The following DPP10 variants were observed in gnomAD, a reference collection of about 807,000 sequenced individuals.
DPP10 encodes inactive dipeptidyl peptidase 10.
DPP10 carries 33 observed loss-of-function variants against 120.9 expected under a neutral mutation model. That is an observed-to-expected ratio of 0.27 (90% confidence interval 0.21 to 0.37). The LOEUF is 0.37. DPP10 is among the 10% of genes least tolerant of loss of function. The probability of loss-of-function intolerance (pLI) is 1.00; values close to 1 mark genes in which losing one functional copy is unlikely to be tolerated. For synonymous variants in DPP10, 337 were observed against 326.1 expected (o/e 1.03, Z -0.36); for missense variants, 816 against 942.8 (o/e 0.87, Z 1.76).
intron 1 of DPP10, among the ~76,000 whole-genome samples, chr2:114,744,766 A>C (rs117290671): frequency 6.6e-6 from 1 of 151,284 alleles, no homozygotes; most frequent in East Asian, 2.0e-4. Flanking sequence ...CACAATGCCT[A>C]ATTTGTTTTT....
chr2:114,746,075 C>T (rs559930371), intron 1 of DPP10, among the ~76,000 whole-genome samples: 23 of 152,310 alleles, frequency 1.5e-4, no homozygotes, highest in Admixed American at 3.9e-4. Flanking sequence ...ACTGCACTTT[C>T]ATTTTGTCTC....
At chr2:114,848,002 T>A (rs190940451) in intron 1 of DPP10, among the ~76,000 whole-genome samples, 30 of 152,282 alleles carry the variant, frequency 2.0e-4, no homozygotes, top group African/African-American at 7.2e-4. Context: ...TTAAGTTCAC[T>A]TACACTGCCA....
intron 1 of DPP10, among the ~76,000 whole-genome samples, chr2:114,866,216 A>G (rs1044579511): frequency 6.6e-6 from 1 of 152,056 alleles, no homozygotes; most frequent in Admixed American, 6.6e-5. Context: ...ATGATCATTT[A>G]TTTCATCCTA....
intron 2 of DPP10, among the ~76,000 whole-genome samples, chr2:115,321,879 G>A (rs2062081130): frequency 6.6e-6 from 1 of 152,064 alleles, no homozygotes; most frequent in Admixed American, 6.6e-5. Flanking sequence ...GTGCATGTAT[G>A]TGTTTAATAC....
At chr2:115,778,931 T>C (rs1682436871) in intron 15 of DPP10, among the ~76,000 whole-genome samples, 1 of 152,160 alleles carries the variant, frequency 6.6e-6, no homozygotes. Flanking sequence ...TTCGGGATCT[T>C]GATCAAAGTA....
chr2:115,404,024 G>A (rs1301832969), intron 3 of DPP10, among the ~76,000 whole-genome samples: 1 of 152,100 alleles, frequency 6.6e-6, no homozygotes, highest in Non-Finnish European at 1.5e-5. Context: ...ATATATAGGT[G>A]TAAATTTAAC....
intron 1 of DPP10, among the ~76,000 whole-genome samples, chr2:114,544,704 T>G (rs1248881465): frequency 7.0e-6 from 1 of 143,108 alleles, no homozygotes; most frequent in Non-Finnish European, 1.5e-5. Flanking sequence ...AATAATTAAG[T>G]GCTCAATTTA....
intron 1 of DPP10, among the ~76,000 whole-genome samples, chr2:115,182,629 G>A (rs756164592): frequency 9.9e-5 from 15 of 152,090 alleles, no homozygotes; most frequent in Admixed American, 3.9e-4. Flanking sequence ...GGACTTTAAC[G>A]CAAAGTGTAG....
intron 17 of DPP10, among the ~76,000 whole-genome samples, chr2:115,785,055 G>A (rs201072652): frequency 9.2e-5 from 14 of 152,204 alleles, no homozygotes; most frequent in South Asian, 4.2e-4. Flanking sequence ...TCTTCTCTTC[G>A]ATGTTCTCTG....
intron 4 of DPP10, among the ~76,000 whole-genome samples, chr2:115,505,293 A>T (rs2076882599): frequency 6.6e-6 from 1 of 152,104 alleles, no homozygotes; most frequent in African/African-American, 2.4e-5. Flanking sequence ...TTTCCTTCAG[A>T]TAGGAATACA....
At chr2:115,334,230 G>GTTTTTTTTTT in intron 2 of DPP10, among the ~76,000 whole-genome samples, 1,395 of 56,282 alleles carry the variant, frequency 0.025, 349 homozygotes, top group Admixed American at 0.15. Flanking sequence ...AGCAGACTCT[G>GTTTTTTTTTT]TTTTTTTTTT....
At chr2:115,472,464 C>A (rs1379447215) in intron 3 of DPP10, among the ~76,000 whole-genome samples, 2 of 152,064 alleles carry the variant, frequency 1.3e-5, no homozygotes, top group East Asian at 3.9e-4. Flanking sequence ...CAACATATGA[C>A]CTATAAAAAT....
chr2:115,753,939 A>G (rs1679077488), intron 11 of DPP10, among the ~76,000 whole-genome samples: 2 of 152,194 alleles, frequency 1.3e-5, no homozygotes, highest in South Asian at 4.1e-4. Context: ...CTGAATTTTC[A>G]AACTTCTGTT....
At chr2:115,627,839 T>A (rs891256988) in intron 5 of DPP10, among the ~76,000 whole-genome samples, 11 of 152,184 alleles carry the variant, frequency 7.2e-5, no homozygotes, top group African/African-American at 2.7e-4. Flanking sequence ...TCCATCCATG[T>A]CTCTGCAAAG....
At chr2:114,480,692 C>T (rs10177218) in intron 1 of DPP10, among the ~76,000 whole-genome samples, 2,616 of 130,478 alleles carry the variant, frequency 0.02, 86 homozygotes, top group African/African-American at 0.072. Flanking sequence ...GAACATCACA[C>T]ACCGGGGACT....
At chr2:114,473,714 C>T (rs898042605) in intron 1 of DPP10, among the ~76,000 whole-genome samples, 6 of 151,934 alleles carry the variant, frequency 3.9e-5, no homozygotes, top group African/African-American at 1.5e-4. Context: ...TACAATGTAA[C>T]CTTTAAATTG....
At chr2:114,576,375 G>A (rs997134032) in intron 1 of DPP10, among the ~76,000 whole-genome samples, 9 of 152,318 alleles carry the variant, frequency 5.9e-5, no homozygotes, top group Admixed American at 4.6e-4. Context: ...GGGAATCGTA[G>A]TACTGGAATT....
chr2:114,861,178 C>T (rs986302871), intron 1 of DPP10, among the ~76,000 whole-genome samples: 2 of 152,172 alleles, frequency 1.3e-5, no homozygotes, highest in Non-Finnish European at 2.9e-5. Flanking sequence ...AGTCCTGGGT[C>T]GATGGGATGC....
intron 1 of DPP10, among the ~76,000 whole-genome samples, chr2:115,238,467 T>A (rs1404008321): frequency 1.3e-5 from 2 of 152,262 alleles, no homozygotes; most frequent in African/African-American, 4.8e-5. Flanking sequence ...AGCCCTTGAG[T>A]TAAGGATAAT....
Sources: gnomAD v4.1 joint callset for allele counts (sites outside exome capture counted in the v4.1 genomes callset) on GRCh38, gnomAD v4.1.1 for gene constraint, MANE v1.5 for transcripts, NCBI Gene and HGNC (gene_info 2026-07-23, HGNC 2026-07-21) for gene names.